NOP56: variants seen among roughly 807,000 people sequenced by gnomAD.
NOP56 encodes nucleolar protein 56.
In NOP56, 31 loss-of-function variants were observed where a neutral mutation model predicts 58.3. The ratio of observed to expected loss-of-function variants is 0.53; its 90% CI spans 0.40 to 0.72. The LOEUF (loss-of-function observed/expected upper bound fraction) is 0.72, where lower values mean the gene tolerates loss of function less well. Ranked by LOEUF, NOP56 falls within the 30% of genes least tolerant of loss-of-function variation. NOP56 has a pLI of 0.00. For missense variants in NOP56, 669 were observed against 739.9 expected, an observed-to-expected ratio of 0.90 and a Z score of 1.11; for synonymous variants, 313 against 282.8, an observed-to-expected ratio of 1.11 and a Z score of -1.07.
In NOP56 at chr20:2,652,683, C is replaced by T; in HGVS notation, c.3+20C>T. The T allele has an allele frequency of 1.5e-6, 1 of 670,366 alleles. No individual in the cohort carries two copies. The allele number at this position is 670,366 out of a possible 1,614,324, so 41.5% of individuals were successfully genotyped here. A position where few individuals can be genotyped will look rare whatever the true frequency, so the allele number is the denominator to read the frequency against. On this transcript the variant is annotated intron_variant, in intron 1 of 11. Coordinates refer to ENST00000329276, the MANE Select transcript of NOP56 (RefSeq NM_006392.4). Reference sequence around the variant, plus strand: ...GCCATGGTGAGGAGTGGTTGCGGGGCGCGGGCGACGCGACGGTGGGGGTTT... The same window carrying T: ...GCCATGGTGAGGAGTGGTTGCGGGGTGCGGGCGACGCGACGGTGGGGGTTT...
intron 3 of NOP56, 93 bp downstream of exon 3, chr20:2,653,486 G>T (rs2146291511): frequency 2.0e-6 from 2 of 1,000,396 alleles, no homozygotes; most frequent in East Asian, 4.8e-5. Context: ...TCCTTGGCTG[G>T]CTCTGAGTCT....
chr20:2,652,898 G>T lies in NOP56; in HGVS notation c.60G>T (p.Lys20Asn). 6.2e-7 allele frequency: 1 copy of T among 1,609,866 alleles called. No individual in the cohort carries two copies. Among genetic ancestry groups the T allele is most frequent in the East Asian group, 2.2e-5 (1 of 44,558 alleles). ...TCGGCTACGCGCTGCTGGCGCTGAAGGAAGTGGAGGAGATCAGTCTGCTGC... is the reference window on the plus strand; with the variant it reads ...TCGGCTACGCGCTGCTGGCGCTGAATGAAGTGGAGGAGATCAGTCTGCTGC... ...HAVGYALLAL[K>N]EVEEISLLQP... Residue 20 changes from lysine to asparagine, a missense_variant, in exon 2 of 12, where the codon AAG (lysine) becomes AAT (asparagine). This residue lies in a region of NOP56 where 121 missense variants were observed against 113.1 expected (regional missense o/e 1.07). Coordinates refer to ENST00000329276, the MANE Select transcript of NOP56 (RefSeq NM_006392.4).
intron 4 of NOP56, 44 bp downstream of exon 4, chr20:2,654,619 G>T (rs186397749): frequency 3.7e-6 from 6 of 1,609,490 alleles, no homozygotes; most frequent in African/African-American, 1.3e-5. Flanking sequence ...TGGACATTTT[G>T]GGGGAGGAGG....
At chr20:2,657,741 A>G in intron 11 of NOP56, 188 bp from the exon 12 acceptor site, 1 of 646,028 alleles carries the variant, frequency 1.5e-6, no homozygotes, top group Non-Finnish European at 2.6e-6. Context: ...GTAATTTCTC[A>G]TGACATGTTT....
At chr20:2,654,996 C>A in intron 5 of NOP56, 49 bp downstream of exon 5, 6 of 1,604,958 alleles carry the variant, frequency 3.7e-6, no homozygotes, top group African/African-American at 1.3e-5. Context: ...GTCTGTAGTT[C>A]AGTTAATTTT....
chr20:2,657,445 G>T (rs1048030772), intron 11 of NOP56: 3 of 731,528 alleles, frequency 4.1e-6, no homozygotes, highest in Admixed American at 2.0e-5. Flanking sequence ...CCCTGGGCAT[G>T]TGTGTTCTGT....
At chr20:2,657,515 T>A in intron 11 of NOP56, 1 of 611,670 alleles carries the variant, frequency 1.6e-6, no homozygotes, top group Non-Finnish European at 3.0e-6. Flanking sequence ...CTCTGCTTAT[T>A]ATCAGACGTG....
At chr20:2,652,756 T>TG (rs756532702) in intron 1 of NOP56, 86 bp from the exon 2 acceptor site, 8 of 508,980 alleles carry the variant, frequency 1.6e-5, no homozygotes, top group South Asian at 4.6e-5. Context: ...GGCCTGGGCC[T>TG]GCGCCTGCGC....
At chr20:2,653,098 G>T (rs2086771696) in intron 2 of NOP56, 167 bp downstream of exon 2, 3 of 767,758 alleles carry the variant, frequency 3.9e-6, no homozygotes, top group South Asian at 3.5e-5. Flanking sequence ...GGGTAGAATC[G>T]CTCTAGCAAT....
At chr20:2,656,113 G>T (rs759789976) in intron 8 of NOP56, 79 bp downstream of exon 8, 2 of 1,613,034 alleles carry the variant, frequency 1.2e-6, no homozygotes, top group Non-Finnish European at 1.7e-6. Flanking sequence ...GGTGATGGCT[G>T]ACCAGGGCTC....
chr20:2,656,139 C>T (rs2086813754), intron 8 of NOP56, 105 bp downstream of exon 8: 1 of 1,611,358 alleles, frequency 6.2e-7, no homozygotes, highest in East Asian at 2.2e-5. Context: ...CCTATACAGG[C>T]CTCTGCTATG....
chr20:2,655,152 C>T (rs754710040), intron 5 of NOP56, 173 bp from the exon 6 acceptor site: 1 of 1,045,424 alleles, frequency 9.6e-7, no homozygotes, highest in Admixed American at 1.7e-5. Flanking sequence ...ATATACACCT[C>T]AGCTCAGGCC....
Position 2,654,818 on chromosome 20 carries a change from G to T in NOP56, c.440G>T (p.Gly147Val). Residue 147 changes from glycine to valine, a missense_variant, in exon 5 of 12, where the codon GGG becomes GTG. Physicochemically the swap from Gly to Val is moderately radical, Grantham distance 109. Transcript: ENST00000329276. Reference sequence around the variant, plus strand: ...CTGTCAGCTTGTAAAGCACAGCTGGGGCTGGGACACAGCTATTCCCGTGCC... The same window carrying T: ...CTGTCAGCTTGTAAAGCACAGCTGGTGCTGGGACACAGCTATTCCCGTGCC... ...TDLSACKAQLGLGHSYSRAKV... is the reference protein window; with the variant it reads ...TDLSACKAQLVLGHSYSRAKV... The T allele has an allele frequency of 6.2e-7, 1 of 1,614,202 alleles. No individual in the cohort carries two copies.
At chr20:2,656,710 G>A (rs1186332357) in intron 9 of NOP56, 64 bp from the exon 10 acceptor site, 6 of 1,613,834 alleles carry the variant, frequency 3.7e-6, no homozygotes, top group Non-Finnish European at 4.2e-6. Context: ...AGGGTAGAGG[G>A]AACACAGGGT....
chr20:2,653,145 T>TA, intron 2 of NOP56, 134 bp from the exon 3 acceptor site: 1 of 849,280 alleles, frequency 1.2e-6, no homozygotes, highest in Non-Finnish European at 1.9e-6. Flanking sequence ...CCCGAACGAT[T>TA]AAAGCAGAAG....
chr20:2,658,030 G>A lies in NOP56; in HGVS notation c.1521G>A (p.Lys507=), dbSNP rs2086851071. 6.2e-7 allele frequency: 1 copy of A among 1,613,250 alleles called. No homozygotes were observed. Among genetic ancestry groups the A allele is most frequent in the South Asian group, 1.1e-5 (1 of 91,064 alleles). Residue 507 remains lysine, a synonymous_variant, in exon 12 of 12, where the codon AAG becomes AAA. Coordinates refer to ENST00000329276, the MANE Select transcript of NOP56 (RefSeq NM_006392.4). ...CATCTATCTCTTTCTCCAAACCCAAGAAAAAGAAATCTTTTTCCAAGGAGG... is the reference window on the plus strand; with the variant it reads ...CATCTATCTCTTTCTCCAAACCCAAAAAAAAGAAATCTTTTTCCAAGGAGG... ...EDPSISFSKP[K]KKKSFSKEEL...
Position 2,657,069 on chromosome 20 carries a change from T to C in NOP56, c.1282-12T>C, listed in dbSNP as rs2086832263. Reference sequence around the variant, plus strand: ...AAGTCTTCAGGCCCTTTTAGCACTTTTCTTTGACCAGGCAGAGGAAGCGGC... The same window carrying C: ...AAGTCTTCAGGCCCTTTTAGCACTTCTCTTTGACCAGGCAGAGGAAGCGGC... On this transcript the variant is annotated splice_polypyrimidine_tract_variant and intron_variant, in intron 10 of 11. Transcript: ENST00000329276. The C allele has an allele frequency of 1.2e-6, 2 of 1,614,054 alleles. No homozygotes were observed. The highest frequency in any genetic ancestry group is 1.7e-6 in the Non-Finnish European group (2 of 1,179,992).
At position 2,654,310 on chromosome 20, in the gene NOP56, T is replaced by C. The variant is rs148702620; in HGVS notation, c.209-104T>C. On this transcript the variant is annotated intron_variant, in intron 3 of 11. Transcript: ENST00000329276. ...AATGCCTGATGGGGAGGGATCTAGGTATGCCATCCCAGCGTGCTCGGTGGG... is the reference window on the plus strand; with the variant it reads ...AATGCCTGATGGGGAGGGATCTAGGCATGCCATCCCAGCGTGCTCGGTGGG... 2.4e-4 allele frequency: 271 copies of C among 1,146,602 alleles called. 2 individuals are homozygous for C. The African/African-American group carries it at 3.5e-3, about 15-fold the overall frequency. The allele number at this position is 1,146,602 out of a possible 1,614,324, so 71.0% of individuals were successfully genotyped here. A position where few individuals can be genotyped will look rare whatever the true frequency, so the allele number is the denominator to read the frequency against.
In NOP56 at chr20:2,654,999, T is replaced by C. The variant is rs756688494; in HGVS notation, c.569+52T>C. ...CTGGAGCCTTTGGTCTGTAGTTCAG[T>C]TAATTTTGAGTCTTGATGAGGACTG... is the stretch of plus-strand genomic sequence containing the variant. On this transcript the variant is annotated intron_variant, in intron 5 of 11. Transcript: ENST00000329276. 6 of 1,604,244 alleles carry C rather than the reference T, an allele frequency of 3.7e-6. No homozygotes were observed. The South Asian group carries it at 5.5e-5, about 15-fold the overall frequency.
Sources: gnomAD v4.1 joint callset for allele counts on GRCh38, gnomAD v4.1.1 for gene constraint, gnomAD v4.1.1 regional missense constraint, MANE v1.5 for transcripts, NCBI Gene and HGNC (gene_info 2026-07-23, HGNC 2026-07-21) for gene names.